The following STATH variants were observed in gnomAD, a reference collection of about 807,000 sequenced individuals.
STATH encodes statherin.
A neutral mutation model predicts 13.3 loss-of-function variants in STATH; 11 were observed. The observed-to-expected ratio is 0.83, with a 90% CI of 0.52 to 1.37. The LOEUF (loss-of-function observed/expected upper bound fraction) is 1.37, where lower values mean the gene tolerates loss of function less well. STATH is among the 40% of genes most tolerant of loss of function. The pLI, the probability that STATH is intolerant of heterozygous loss-of-function variation, is 0.00. For synonymous variants in STATH, 25 were observed against 23.6 expected (o/e 1.06, Z -0.17); for missense variants, 78 against 73.3 (o/e 1.06, Z -0.24).
chr4:69,997,082 C>A (rs567106737), intron 1 of STATH, among the ~76,000 whole-genome samples: 2 of 151,818 alleles, frequency 1.3e-5, no homozygotes. Context: ...GGATTATAGG[C>A]ACTCACCACC....
intron 1 of STATH, 48 bp from the exon 2 acceptor site, chr4:69,998,375 G>A: frequency 6.9e-7 from 1 of 1,449,780 alleles, no homozygotes; most frequent in Non-Finnish European, 9.6e-7. Flanking sequence ...CTTTTGATGG[G>A]CGAATGCAAG....
chr4:69,998,692 TA>T (rs889676095), intron 2 of STATH: 1 of 401,872 alleles, frequency 2.5e-6, no homozygotes, highest in Admixed American at 4.0e-5. Context: ...CTACAGACAC[TA>T]AAGTATATTT....
rs376328696 is a variant in STATH at position 70,000,118 on chromosome 4, G to T, written c.102+309G>T. ...TCTAATTCTGTTAATTATAATATAT[G>T]CCTCATGGAGCATAAAGGCTGATAA... On this transcript the variant is annotated intron_variant, in intron 4 of 5. Coordinates refer to ENST00000246895, the MANE Select transcript of STATH (RefSeq NM_003154.3). The T allele has an allele frequency of 1.3e-5, 4 of 312,684 alleles. No individual in the cohort carries two copies. The East Asian group carries it at 2.4e-4, about 18-fold the overall frequency. The allele number at this position is 312,684 out of a possible 1,614,324, so 19.4% of individuals were successfully genotyped here.
At chr4:70,000,078 A>G in intron 4 of STATH, 1 of 424,588 alleles carries the variant, frequency 2.4e-6, no homozygotes, top group Non-Finnish European at 4.2e-6. Flanking sequence ...CTTTGACCTA[A>G]AAAATAGTTG....
intron 2 of STATH, among the ~76,000 whole-genome samples, chr4:69,999,393 C>T (rs1406675340): frequency 1.3e-5 from 2 of 151,912 alleles, no homozygotes; most frequent in Admixed American, 6.6e-5. Flanking sequence ...TTTCACTTTT[C>T]ATTCACCAAT....
intron 4 of STATH, chr4:70,000,048 T>C (rs1378382121): frequency 3.9e-6 from 2 of 515,006 alleles, no homozygotes; most frequent in Admixed American, 3.4e-5. Flanking sequence ...AGCCCTCAAG[T>C]ATCATCTCCT....
chr4:70,001,615 G>C (rs183294523), intron 5 of STATH, among the ~76,000 whole-genome samples: 7 of 151,638 alleles, frequency 4.6e-5, no homozygotes, highest in African/African-American at 1.7e-4. Flanking sequence ...TAGAAAGTCA[G>C]TTTTACCTAT....
At chr4:69,999,154 T>A (rs1006114445) in intron 2 of STATH, 3 of 153,182 alleles carry the variant, frequency 2.0e-5, no homozygotes, top group Admixed American at 1.3e-4. Flanking sequence ...AGAATAAAAA[T>A]AGTTCAACTT....
chr4:70,001,867 A>G (rs890935275), intron 5 of STATH, among the ~76,000 whole-genome samples: 1 of 151,780 alleles, frequency 6.6e-6, no homozygotes, highest in African/African-American at 2.4e-5. Flanking sequence ...ATGACATTTA[A>G]TCAAGAAAAG....
intron 1 of STATH, 74 bp downstream of exon 1, chr4:69,996,099 A>T (rs1724496456): frequency 6.6e-6 from 1 of 152,208 alleles, no homozygotes; most frequent in African/African-American, 2.4e-5. Context: ...TTGAAAACTA[A>T]TTATAAAAAT....
chr4:69,997,239 C>T (rs1050417730), intron 1 of STATH, among the ~76,000 whole-genome samples: 2 of 152,166 alleles, frequency 1.3e-5, no homozygotes, highest in South Asian at 4.1e-4. Flanking sequence ...AGCCACCACA[C>T]CCGGCCAGAA....
chr4:70,001,991 G>T (rs1724682516), intron 5 of STATH, among the ~76,000 whole-genome samples, 198 bp from the exon 6 acceptor site: 2 of 151,732 alleles, frequency 1.3e-5, no homozygotes, highest in Admixed American at 1.3e-4. Context: ...TGTAGATGCT[G>T]AATGATAATT....
chr4:69,999,832 G>C, intron 4 of STATH, 23 bp downstream of exon 4: 2 of 1,610,320 alleles, frequency 1.2e-6, no homozygotes, highest in South Asian at 2.2e-5. Context: ...TGATAATGCT[G>C]TGTAGTCCAA....
At position 69,995,997 on chromosome 4, in the gene STATH, T is replaced by C. The variant is rs919915695; in HGVS notation, c.-44T>C. ...TCTTGAAGCTTCACTTCAACTTCAC[T>C]ACTTCTGTAGTCTCATCTTGAGTAA... is the stretch of plus-strand genomic sequence containing the variant. On this transcript the variant is annotated 5_prime_UTR_variant, in exon 1 of 6. Transcript: ENST00000246895. 6.6e-6 allele frequency: 1 copy of C among 152,192 alleles called. No individual in the cohort carries two copies. Among genetic ancestry groups the C allele is most frequent in the African/African-American group, 2.4e-5 (1 of 41,456 alleles). 9.4% of individuals were successfully genotyped at this position (152,192 alleles called of 1,614,324 possible). A position where few individuals can be genotyped will look rare whatever the true frequency, so the allele number is the denominator to read the frequency against.
chr4:70,000,929 T>A lies in STATH; in HGVS notation c.169T>A (p.Tyr57Asn). The A allele has an allele frequency of 6.2e-7, 1 of 1,611,938 alleles. No individual in the cohort carries two copies. Among genetic ancestry groups the A allele is most frequent in the South Asian group, 1.1e-5 (1 of 91,042 alleles). The part of the protein sequence containing the change: ...PLYPQPYQPQ[Y>N]QQYTF ...ATACCCACAACCATACCAACCACAA[T>A]ACCAACAATATACCTTTTAATATCA... Residue 57 changes from tyrosine to asparagine, a missense_variant, in exon 5 of 6, where the codon TAC (tyrosine) becomes AAC (asparagine). Transcript: ENST00000246895.
At chr4:69,998,384 A>G in intron 1 of STATH, 39 bp from the exon 2 acceptor site, 2 of 1,543,410 alleles carry the variant, frequency 1.3e-6, no homozygotes, top group Non-Finnish European at 1.8e-6. Flanking sequence ...GGCGAATGCA[A>G]GAAAAAATGT....
rs1271315097 is a variant in STATH, at chr4:70,000,941, A to G, written c.181A>G (p.Thr61Ala). The change falls in exon 5 of 6, where the codon ACC becomes GCC. Residue 61 changes from threonine (T) to alanine (A), a missense_variant. By Grantham distance (58) the Thr-to-Ala change is moderately conservative. Coordinates refer to ENST00000246895, the MANE Select transcript of STATH (RefSeq NM_003154.3). The stretch of plus-strand genomic sequence containing the variant: ...ATACCAACCACAATACCAACAATAT[A>G]CCTTTTAATATCATCAGTAACTGCA... ...QPYQPQYQQY[T>A]F The G allele has an allele frequency of 5.6e-6, 9 of 1,610,960 alleles. No homozygotes were observed. Among genetic ancestry groups the G allele is most frequent in the Non-Finnish European group, 7.6e-6 (9 of 1,177,754 alleles).
chr4:70,000,950 T>C lies in STATH; in HGVS notation c.*1T>C. 6.2e-7 allele frequency: 1 copy of C among 1,609,960 alleles called. No homozygotes were observed. Among genetic ancestry groups the C allele is most frequent in the Non-Finnish European group, 8.5e-7 (1 of 1,176,660 alleles). On this transcript the variant is annotated 3_prime_UTR_variant, in exon 5 of 6. Transcript: ENST00000246895. ...ACAATACCAACAATATACCTTTTAATATCATCAGTAACTGCAGGACATGAT... is the reference window on the plus strand; with the variant it reads ...ACAATACCAACAATATACCTTTTAACATCATCAGTAACTGCAGGACATGAT...
At chr4:69,999,948 T>A (rs1724611060) in intron 4 of STATH, 139 bp downstream of exon 4, 7 of 938,550 alleles carry the variant, frequency 7.5e-6, no homozygotes, top group Non-Finnish European at 1.1e-5. Context: ...CTATTTATGA[T>A]ACACAGGTAA....
Sources: allele counts gnomAD v4.1 joint callset (sites outside exome capture counted in the v4.1 genomes callset), GRCh38; gene constraint gnomAD v4.1.1; transcripts MANE v1.5; gene names NCBI Gene and HGNC (gene_info 2026-07-23, HGNC 2026-07-21).